Variants in GALNT18 observed in about 807,000 individuals in gnomAD.
GALNT18 encodes the protein GalNAc-transferase 18.
In GALNT18, 44 loss-of-function variants were observed where a neutral mutation model predicts 69.5. The observed-to-expected ratio is 0.63, with a 90% CI of 0.50 to 0.81. The LOEUF (loss-of-function observed/expected upper bound fraction) is 0.81, where lower values mean the gene tolerates loss of function less well. Ranked by LOEUF, GALNT18 falls within the 40% of genes least tolerant of loss-of-function variation. The pLI is 0.00. For missense variants in GALNT18, 715 were observed against 810.0 expected (o/e 0.88, Z 1.42); for synonymous variants, 364 against 318.2 (o/e 1.14, Z -1.53).
rs965997588 is a variant in GALNT18, at chr11:11,595,038, A to C, written c.235+26321T>G. Among the ~76,000 whole-genome samples the C allele has an allele frequency of 6.6e-6, 1 of 151,030 alleles. No homozygotes were observed. Among genetic ancestry groups the C allele is most frequent in the Non-Finnish European group, 1.5e-5 (1 of 67,878 alleles). Reference sequence around the variant, plus strand: ...ATAAAATCTCCAAGAATGAATATATACATATATATTCATTCCTAGAATTGA... The same window carrying C: ...ATAAAATCTCCAAGAATGAATATATCCATATATATTCATTCCTAGAATTGA... On this transcript the variant is annotated intron_variant, in intron 1 of 10. Transcript: ENST00000227756. This position sits in a 1 kb window ranked among gnomAD's most constrained non-coding sequence, Gnocchi z 5.2.
At chr11:11,567,163 G>C (rs1176747462) in intron 1 of GALNT18, among the ~76,000 whole-genome samples, 1 of 152,188 alleles carries the variant, frequency 6.6e-6, no homozygotes, top group Admixed American at 6.5e-5. Flanking sequence ...GCATTTGTCT[G>C]ATCAAAGGCC....
At position 11,599,362 on chromosome 11, in the gene GALNT18, T is replaced by C. The variant is rs546615915; in HGVS notation, c.235+21997A>G. ...ATTATAAAATTTTGCTCTTTATCTC[T>C]AGTAACTTTTTGGTGTTTTAACGTC... On this transcript the variant is annotated intron_variant, in intron 1 of 10. Coordinates refer to ENST00000227756, the MANE Select transcript of GALNT18 (RefSeq NM_198516.3). 1.2e-4 allele frequency among the ~76,000 whole-genome samples: 18 copies of C among 152,028 alleles called. 1 individual carries two copies. The highest frequency in any genetic ancestry group is 3.9e-4 in the African/African-American group (16 of 41,412).
In GALNT18 at chr11:11,447,332, T is replaced by C. The variant is rs150827447; in HGVS notation, c.428+1412A>G. Among the ~76,000 whole-genome samples, 1,140 of 152,172 alleles carry C rather than the reference T, an allele frequency of 7.5e-3. 9 individuals are homozygous for C. The highest frequency in any genetic ancestry group is 0.022 in the South Asian group (105 of 4,820). On this transcript the variant is annotated intron_variant, in intron 2 of 10. Coordinates refer to ENST00000227756, the MANE Select transcript of GALNT18 (RefSeq NM_198516.3). The stretch of plus-strand genomic sequence containing the variant: ...CGCAGGAAAAATTGCAGCTCCCCAC[T>C]CTTGTCCCAGGTGTCTCTCTCTCTC...
intron 1 of GALNT18, among the ~76,000 whole-genome samples, chr11:11,516,549 T>G (rs1352819056): frequency 1.3e-5 from 2 of 152,196 alleles, no homozygotes; most frequent in Non-Finnish European, 1.5e-5. Flanking sequence ...AAGAATCACT[T>G]GAACCTGGGA....
Position 11,314,634 on chromosome 11 carries a change from G to C in GALNT18, c.1512+12452C>G, listed in dbSNP as rs549754755. On this transcript the variant is annotated intron_variant, in intron 9 of 10. Coordinates refer to ENST00000227756, the MANE Select transcript of GALNT18 (RefSeq NM_198516.3). This position sits in a 1 kb window ranked among gnomAD's most constrained non-coding sequence, Gnocchi z 5.2. ...CTAAAAGCAGGGTGGGAAGCTGGCT[G>C]GGTGCTCACCTCACCCAGAGAATGG... 6.6e-6 allele frequency among the ~76,000 whole-genome samples: 1 copy of C among 152,276 alleles called. No homozygotes were observed. The highest frequency in any genetic ancestry group is 2.1e-4 in the South Asian group (1 of 4,818).
At chr11:11,398,959 G>C (rs1484826444) in intron 3 of GALNT18, among the ~76,000 whole-genome samples, 1 of 152,202 alleles carries the variant, frequency 6.6e-6, no homozygotes. Flanking sequence ...ACAGGAGTGA[G>C]AGGGAGCTGG....
chr11:11,271,682 C>T (rs1228957792), intron 10 of GALNT18, among the ~76,000 whole-genome samples: 3 of 150,994 alleles, frequency 2.0e-5, no homozygotes, highest in Non-Finnish European at 4.4e-5. Flanking sequence ...TCACCAGAGG[C>T]CTGGGGCTTC....
At chr11:11,572,160 C>T (rs1044711318) in intron 1 of GALNT18, among the ~76,000 whole-genome samples, 2 of 152,216 alleles carry the variant, frequency 1.3e-5, no homozygotes, top group African/African-American at 4.8e-5. Context: ...GGTGTGGATG[C>T]TGTTGGCATG....
chr11:11,322,017 A>G (rs1412397749), intron 9 of GALNT18, among the ~76,000 whole-genome samples: 1 of 152,234 alleles, frequency 6.6e-6, no homozygotes, highest in Non-Finnish European at 1.5e-5. Flanking sequence ...TACACTGAAC[A>G]GGAGTCAGGG....
chr11:11,558,867 T>C (rs1028389109), intron 1 of GALNT18, among the ~76,000 whole-genome samples: 2 of 152,204 alleles, frequency 1.3e-5, no homozygotes, highest in African/African-American at 4.8e-5. Context: ...GAGTCCCCAC[T>C]TACTGTCCTG....
chr11:11,594,844 CATAT>C (rs61397791), intron 1 of GALNT18, among the ~76,000 whole-genome samples: 1 of 120,302 alleles, frequency 8.3e-6, no homozygotes, highest in Non-Finnish European at 1.7e-5. Context: ...TATATATACA[CATAT>C]ACATACATAC....
chr11:11,292,602 T>C (rs112455535), intron 10 of GALNT18, among the ~76,000 whole-genome samples: 2 of 152,216 alleles, frequency 1.3e-5, no homozygotes, highest in African/African-American at 4.8e-5. Flanking sequence ...GACTGGGGGC[T>C]CCATCTCGTG....
At chr11:11,462,390 C>T (rs1486145037) in intron 1 of GALNT18, among the ~76,000 whole-genome samples, 1 of 152,026 alleles carries the variant, frequency 6.6e-6, no homozygotes, top group African/African-American at 2.4e-5. Context: ...GATCCTCCCA[C>T]CTCAGCCTCC....
At chr11:11,593,483 T>G (rs889292276) in intron 1 of GALNT18, among the ~76,000 whole-genome samples, 6 of 152,212 alleles carry the variant, frequency 3.9e-5, no homozygotes, top group African/African-American at 1.4e-4. Flanking sequence ...GACACTGATG[T>G]TAACAAAGGG....
rs373817256 is a variant in GALNT18, at chr11:11,540,303, G to C, written c.235+81056C>G. On this transcript the variant is annotated intron_variant, in intron 1 of 10. Transcript: ENST00000227756. The surrounding 1 kb of genome is among the most constrained non-coding windows in gnomAD (Gnocchi z 4.6). Reference sequence around the variant, plus strand: ...GGGCCCTGGAAGGTGCAGGATAAATGTTTTTCTTCGTCGTTGCCATGGAAA... The same window carrying C: ...GGGCCCTGGAAGGTGCAGGATAAATCTTTTTCTTCGTCGTTGCCATGGAAA... Among the ~76,000 whole-genome samples, 123 of 152,280 alleles carry C rather than the reference G, an allele frequency of 8.1e-4. No homozygotes were observed. The highest frequency in any genetic ancestry group is 3.4e-3 in the Middle Eastern group (1 of 294).
chr11:11,299,929 C>CCAA (rs1236667839), intron 9 of GALNT18, among the ~76,000 whole-genome samples: 1 of 152,206 alleles, frequency 6.6e-6, no homozygotes, highest in Non-Finnish European at 1.5e-5. Context: ...CCCTCTTCTA[C>CCAA]CAACACCTCA....
rs1856950413 is a variant in GALNT18, at chr11:11,500,403, T to C, written c.236-51467A>G. ...AGGCTTCATTTCCTCACATGGAAAG[T>C]GGTGATGGTAACACCTACCTCACAG... On this transcript the variant is annotated intron_variant, in intron 1 of 10. Transcript: ENST00000227756. This position sits in a 1 kb window ranked among gnomAD's most constrained non-coding sequence, Gnocchi z 5.0. Among the ~76,000 whole-genome samples the C allele has an allele frequency of 6.6e-6, 1 of 152,202 alleles. No individual in the cohort carries two copies. The highest frequency in any genetic ancestry group is 2.4e-5 in the African/African-American group (1 of 41,452).
rs1171666510 is a variant in GALNT18 at position 11,389,514 on chromosome 11, C to T, written c.596-10250G>A. Among the ~76,000 whole-genome samples the T allele has an allele frequency of 6.6e-6, 1 of 152,180 alleles. No homozygotes were observed. The highest frequency in any genetic ancestry group is 1.5e-5 in the Non-Finnish European group (1 of 68,046). The stretch of plus-strand genomic sequence containing the variant: ...GGACCAAACACTGTGAAATTACTTA[C>T]AGAGCAAGAACTACTCCTGCTACTC... On this transcript the variant is annotated intron_variant, in intron 3 of 10. Coordinates refer to ENST00000227756, the MANE Select transcript of GALNT18 (RefSeq NM_198516.3). The surrounding 1 kb of genome is among the most constrained non-coding windows in gnomAD (Gnocchi z 4.3).
At chr11:11,431,369 G>A (rs1299004192) in intron 3 of GALNT18, among the ~76,000 whole-genome samples, 3 of 152,108 alleles carry the variant, frequency 2.0e-5, no homozygotes, top group South Asian at 2.1e-4. Context: ...TTAGGCGCCC[G>A]TTTTTTGGGT....
Sources: gnomAD v4.1 joint callset for allele counts (sites outside exome capture counted in the v4.1 genomes callset) on GRCh38, gnomAD v4.1.1 for gene constraint, Gnocchi (gnomAD v3.1) non-coding constraint, MANE v1.5 for transcripts, NCBI Gene and HGNC (gene_info 2026-07-23, HGNC 2026-07-21) for gene names.